Variants in LRRTM3 observed in about 807,000 individuals in gnomAD.
LRRTM3 encodes leucine rich repeat transmembrane neuronal 3.
A neutral mutation model predicts 44.7 loss-of-function variants in LRRTM3; 24 were observed. That is an observed-to-expected ratio of 0.54 (90% CI 0.39 to 0.76). LRRTM3 has a LOEUF of 0.76. Ranked by LOEUF, LRRTM3 falls within the 30% of genes least tolerant of loss-of-function variation. The pLI, the probability that LRRTM3 is intolerant of heterozygous loss-of-function variation, is 0.00. For synonymous variants in LRRTM3, 277 were observed against 278.7 expected (o/e 0.99, Z 0.06); for missense variants, 587 against 702.2 (o/e 0.84, Z 1.85).
At chr10:67,084,966 A>G (rs1857222241) in intron 2 of LRRTM3, among the ~76,000 whole-genome samples, 1 of 151,944 alleles carries the variant, frequency 6.6e-6, no homozygotes, top group South Asian at 2.1e-4. Flanking sequence ...ATAAATATCA[A>G]GACATGTCAA....
At chr10:67,046,958 ATTTAGAAAGAGGGT>A (rs1854791119) in intron 2 of LRRTM3, among the ~76,000 whole-genome samples, 3 of 152,182 alleles carry the variant, frequency 2.0e-5, no homozygotes, top group Non-Finnish European at 4.4e-5. Flanking sequence ...ATAATTACCA[ATTTAGAAAGAGGGT>A]ACAGAGGGTA....
intron 2 of LRRTM3, among the ~76,000 whole-genome samples, chr10:66,986,368 A>G (rs1850727771): frequency 6.6e-6 from 1 of 152,042 alleles, no homozygotes; most frequent in Non-Finnish European, 1.5e-5. Context: ...ATGGTGGCAC[A>G]TGCCTATAGT....
intron 2 of LRRTM3, among the ~76,000 whole-genome samples, chr10:66,977,644 G>GT (rs1329759056): frequency 1.3e-5 from 2 of 152,196 alleles, no homozygotes; most frequent in Non-Finnish European, 2.9e-5. Context: ...ATTTGTAGAT[G>GT]TAAGCTGGGC....
intron 2 of LRRTM3, among the ~76,000 whole-genome samples, chr10:67,003,199 A>C (rs1163944716): frequency 1.3e-5 from 2 of 152,170 alleles, no homozygotes; most frequent in Non-Finnish European, 2.9e-5. Flanking sequence ...CCAATTATTC[A>C]GGCACAGTGC....
intron 2 of LRRTM3, among the ~76,000 whole-genome samples, chr10:66,977,296 T>G (rs1850098855): frequency 6.6e-6 from 1 of 151,820 alleles, no homozygotes. Flanking sequence ...ATTAGCTGGG[T>G]GTGGTGGCTG....
intron 2 of LRRTM3, among the ~76,000 whole-genome samples, chr10:66,933,446 C>CTAGTA (rs1847520401): frequency 6.6e-6 from 1 of 152,218 alleles, no homozygotes; most frequent in African/African-American, 2.4e-5. Context: ...TACCTGTCCA[C>CTAGTA]TCCCTTTCTA....
intron 2 of LRRTM3, among the ~76,000 whole-genome samples, chr10:67,093,498 G>C (rs1401864010): frequency 1.3e-5 from 2 of 151,916 alleles, no homozygotes; most frequent in Non-Finnish European, 2.9e-5. Context: ...AAAGTCACTT[G>C]ATGGTTATGT....
intron 2 of LRRTM3, among the ~76,000 whole-genome samples, chr10:66,996,669 A>AAAAAAAAAAAAAAAG: frequency 6.6e-6 from 1 of 150,790 alleles, no homozygotes; most frequent in East Asian, 2.0e-4. Context: ...AAAAAAAAAA[A>AAAAAAAAAAAAAAAG]AAGCATGTTT....
At chr10:66,948,418 GTAAC>G (rs1848381023) in intron 2 of LRRTM3, among the ~76,000 whole-genome samples, 1 of 152,176 alleles carries the variant, frequency 6.6e-6, no homozygotes, top group African/African-American at 2.4e-5. Context: ...ATGCACTTGC[GTAAC>G]AACATGGAGA....
intron 2 of LRRTM3, among the ~76,000 whole-genome samples, chr10:67,075,809 A>T (rs1856718402): frequency 6.6e-6 from 1 of 152,276 alleles, no homozygotes; most frequent in Non-Finnish European, 1.5e-5. Flanking sequence ...ATCTATTTTT[A>T]AAATGCATGA....
chr10:67,091,828 C>G (rs1857663986), intron 2 of LRRTM3, among the ~76,000 whole-genome samples: 1 of 152,048 alleles, frequency 6.6e-6, no homozygotes, highest in South Asian at 2.1e-4. Context: ...TAAGTATTCC[C>G]TAGAACAAAA....
intron 2 of LRRTM3, among the ~76,000 whole-genome samples, chr10:67,064,838 C>A (rs1855971167): frequency 6.6e-6 from 1 of 152,268 alleles, no homozygotes; most frequent in South Asian, 2.1e-4. Context: ...GTCAGAGGGA[C>A]AGATGAATTC....
At chr10:67,088,185 C>T (rs898714924) in intron 2 of LRRTM3, among the ~76,000 whole-genome samples, 2 of 151,230 alleles carry the variant, frequency 1.3e-5, no homozygotes, top group Non-Finnish European at 2.9e-5. Context: ...CTGTCTTCTG[C>T]TTGCTAGGCA....
chr10:67,005,682 CTTTTTT>C lies in LRRTM3; in HGVS notation c.1536+77246_1536+77251del, dbSNP rs11369576. 1.9e-4 allele frequency among the ~76,000 whole-genome samples: 12 copies of C among 61,972 alleles called. 2 individuals are homozygous for C. The highest frequency in any genetic ancestry group is 3.3e-4 in the Admixed American group (1 of 3,052). 40.7% of individuals were successfully genotyped at this position (61,972 alleles called of 152,430 possible). On this transcript the variant is annotated intron_variant, in intron 2 of 2. Coordinates refer to ENST00000361320, the MANE Select transcript of LRRTM3 (RefSeq NM_178011.5). ...AATGCTTTTGTTTATTTTACTCCATCTTTTTTTTTTTTTTTTTTTTTGAGACGGAGT... is the reference window on the plus strand; with the variant it reads ...AATGCTTTTGTTTATTTTACTCCATCTTTTTTTTTTTTTTTGAGACGGAGT...
intron 2 of LRRTM3, among the ~76,000 whole-genome samples, chr10:67,036,547 A>T (rs1235296599): frequency 1.3e-5 from 2 of 151,930 alleles, no homozygotes; most frequent in Non-Finnish European, 2.9e-5. Context: ...TTTTAAAAAA[A>T]TTTTTGGTAG....
intron 2 of LRRTM3, among the ~76,000 whole-genome samples, chr10:66,948,289 GA>G (rs1175873076): frequency 6.6e-6 from 1 of 152,138 alleles, no homozygotes. Flanking sequence ...CATGTACAAA[GA>G]AAGTTTTAAT....
intron 2 of LRRTM3, among the ~76,000 whole-genome samples, chr10:67,047,870 TAAA>T (rs1441098371): frequency 1.3e-5 from 2 of 151,926 alleles, no homozygotes; most frequent in African/African-American, 4.8e-5. Flanking sequence ...AATGTCATCC[TAAA>T]AACAAAAAAA....
chr10:66,954,033 GC>G (rs1848671858), intron 2 of LRRTM3, among the ~76,000 whole-genome samples: 1 of 152,146 alleles, frequency 6.6e-6, no homozygotes, highest in African/African-American at 2.4e-5. Context: ...GCAAATACTA[GC>G]TGTTACTTCC....
At chr10:66,992,832 T>C (rs1851114327) in intron 2 of LRRTM3, among the ~76,000 whole-genome samples, 1 of 152,114 alleles carries the variant, frequency 6.6e-6, no homozygotes, top group Admixed American at 6.6e-5. Flanking sequence ...TTTAATGCCT[T>C]TTTAGTGATA....
Sources: gnomAD v4.1 joint callset for allele counts (sites outside exome capture counted in the v4.1 genomes callset) on GRCh38, gnomAD v4.1.1 for gene constraint, MANE v1.5 for transcripts, NCBI Gene and HGNC (gene_info 2026-07-23, HGNC 2026-07-21) for gene names.